EBF4: variants seen among roughly 807,000 people sequenced by gnomAD.
EBF4 encodes the protein EBF transcription factor 4, also known as transcription factor COE4.
A neutral mutation model predicts 67.1 loss-of-function variants in EBF4; 34 were observed. The ratio of observed to expected loss-of-function variants is 0.51; its 90% CI spans 0.39 to 0.67. The LOEUF (loss-of-function observed/expected upper bound fraction) is 0.67. Ranked by LOEUF, EBF4 falls within the 30% of genes least tolerant of loss-of-function variation. The probability of loss-of-function intolerance (pLI) is 0.00; values close to 1 mark genes in which losing one functional copy is unlikely to be tolerated. For synonymous variants in EBF4, 387 were observed against 377.7 expected (o/e 1.02, Z -0.29); for missense variants, 837 against 873.3 (o/e 0.96, Z 0.52).
At chr20:2,718,045 G>C (rs183254169) in intron 6 of EBF4, among the ~76,000 whole-genome samples, 104 of 152,160 alleles carry the variant, frequency 6.8e-4, no homozygotes, top group East Asian at 1.9e-3. Flanking sequence ...TCCTGACCTC[G>C]TGATCCACCC....
intron 5 of EBF4, among the ~76,000 whole-genome samples, chr20:2,708,938 C>A (rs772871466): frequency 2.6e-5 from 4 of 152,186 alleles, no homozygotes; most frequent in Non-Finnish European, 4.4e-5. Flanking sequence ...GTAATCCCAG[C>A]ACTTTAGGAA....
intron 1 of EBF4, among the ~76,000 whole-genome samples, chr20:2,703,319 C>G (rs1182097414): frequency 6.6e-6 from 1 of 151,372 alleles, no homozygotes; most frequent in Non-Finnish European, 1.5e-5. Flanking sequence ...ACCTGTAATC[C>G]CAGCTCTTTG....
At chr20:2,732,271 C>G (rs2087823536) in intron 6 of EBF4, among the ~76,000 whole-genome samples, 1 of 152,036 alleles carries the variant, frequency 6.6e-6, no homozygotes, top group African/African-American at 2.4e-5. Context: ...CAGGTGCATG[C>G]CACCACACCC....
chr20:2,749,467 CACA>C (rs1206124481), exon 8 of EBF4: 13 of 1,548,864 alleles, frequency 8.4e-6, no homozygotes, highest in Admixed American at 2.0e-5. Context: ...CATGTTTGTG[CACA>C]ACAACTCCAA....
chr20:2,703,874 C>A (rs904506743), intron 1 of EBF4, among the ~76,000 whole-genome samples: 1 of 152,196 alleles, frequency 6.6e-6, no homozygotes, highest in South Asian at 2.1e-4. Flanking sequence ...GCTGGGGCCG[C>A]AGTCGTCTGA....
intron 1 of EBF4, among the ~76,000 whole-genome samples, chr20:2,698,513 G>A (rs1331556112): frequency 6.6e-6 from 1 of 152,176 alleles, no homozygotes; most frequent in Admixed American, 6.5e-5. Flanking sequence ...CAGTCCCGGG[G>A]TCCAGAGGGT....
chr20:2,739,774 C>T lies in EBF4; in HGVS notation c.558-8775C>T, dbSNP rs539951666. ...ACAAATCTTTTAGGATAAAAATTAG[C>T]GGAGATCCCTGTCCCCTTATTTCCC... On this transcript the variant is annotated intron_variant, in intron 6 of 16. Coordinates refer to ENST00000609451, the Ensembl canonical transcript of EBF4. This position sits in a 1 kb window ranked among gnomAD's most constrained non-coding sequence, Gnocchi z 4.5. 5.9e-5 allele frequency among the ~76,000 whole-genome samples: 9 copies of T among 152,272 alleles called. No individual in the cohort carries two copies. The highest frequency in any genetic ancestry group is 5.8e-4 in the East Asian group (3 of 5,174).
At position 2,693,887 on chromosome 20, in the gene EBF4, T is replaced by G. The variant is rs148554048; in HGVS notation, c.137+105T>G. 2 of 1,233,794 alleles carry G rather than the reference T, an allele frequency of 1.6e-6. No individual in the cohort carries two copies. The highest frequency in any genetic ancestry group is 3.3e-5 in the South Asian group (1 of 29,918). The allele number at this position is 1,233,794 out of a possible 1,614,324, so 76.4% of individuals were successfully genotyped here. A position where few individuals can be genotyped will look rare whatever the true frequency, so the allele number is the denominator to read the frequency against. On this transcript the variant is annotated intron_variant, in intron 1 of 16. Transcript: ENST00000609451. This position sits in a 1 kb window ranked among gnomAD's most constrained non-coding sequence, Gnocchi z 4.6. ...AGCCAGGGGCGGAAGGAGCCCTAAC[T>G]CTGGACGGTCCCGGCGAGCTCCCCG...
At chr20:2,698,315 A>C (rs73578037) in intron 1 of EBF4, among the ~76,000 whole-genome samples, 1 of 152,230 alleles carries the variant, frequency 6.6e-6, no homozygotes, top group African/African-American at 2.4e-5. Context: ...GGCTCTGGGC[A>C]GCTGCCTGCA....
chr20:2,749,743 T>G (rs1286980154), exon 9 of EBF4: 13 of 1,541,500 alleles, frequency 8.4e-6, no homozygotes, highest in Non-Finnish European at 8.8e-6. Context: ...AACGTGCTCG[T>G]GTGGAGCGAG....
At chr20:2,720,540 A>G (rs2087666701) in intron 6 of EBF4, among the ~76,000 whole-genome samples, 1 of 151,974 alleles carries the variant, frequency 6.6e-6, no homozygotes, top group Non-Finnish European at 1.5e-5. Context: ...TTTATTTAGA[A>G]CTTATTGTAT....
chr20:2,711,728 G>T (rs1044894446), intron 6 of EBF4, among the ~76,000 whole-genome samples: 6 of 152,092 alleles, frequency 3.9e-5, no homozygotes, highest in Non-Finnish European at 8.8e-5. Flanking sequence ...TGTGTTCACG[G>T]GCTTACAATC....
intron 1 of EBF4, among the ~76,000 whole-genome samples, chr20:2,701,898 A>G (rs975006571): frequency 6.6e-6 from 1 of 152,158 alleles, no homozygotes; most frequent in South Asian, 2.1e-4. Flanking sequence ...AGGAGGGAGG[A>G]GCTCAGGGTT....
intron 6 of EBF4, among the ~76,000 whole-genome samples, chr20:2,710,784 T>A (rs1213634745): frequency 6.6e-6 from 1 of 152,182 alleles, no homozygotes; most frequent in Non-Finnish European, 1.5e-5. Context: ...CCTGAGATAG[T>A]CTGTGCATAT....
At chr20:2,705,058 G>C (rs985451145) in intron 1 of EBF4, among the ~76,000 whole-genome samples, 1 of 152,246 alleles carries the variant, frequency 6.6e-6, no homozygotes, top group African/African-American at 2.4e-5. Flanking sequence ...CAGACTAGTG[G>C]TCCTGAGCCA....
chr20:2,714,348 T>G (rs965264633), intron 6 of EBF4, among the ~76,000 whole-genome samples: 1 of 151,806 alleles, frequency 6.6e-6, no homozygotes, highest in Non-Finnish European at 1.5e-5. Flanking sequence ...CTTTCTTTCT[T>G]TCTTTTCTTT....
intron 2 of EBF4, 67 bp downstream of exon 2, chr20:2,705,800 C>CACACACAA (rs2087447624): frequency 8.4e-7 from 1 of 1,187,084 alleles, no homozygotes; most frequent in Non-Finnish European, 1.1e-6. Context: ...CACACACACA[C>CACACACAA]ACACACACAC....
In EBF4 at chr20:2,693,683, T is replaced by G; in HGVS notation, c.38T>G (p.Leu13Arg). Reference sequence around the variant, plus strand: ...CAGGACGCTCTGCCCCGCAGCGGGCTGAACCTGAAGGAGGAGCCGCTGCTG... The same window carrying G: ...CAGGACGCTCTGCCCCGCAGCGGGCGGAACCTGAAGGAGGAGCCGCTGCTG... The change falls in exon 1 of 17, where the codon CTG becomes CGG. Residue 13 changes from leucine to arginine, a missense_variant. Leu to Arg is a moderately radical substitution (Grantham distance 102). Coordinates refer to ENST00000609451, the Ensembl canonical transcript of EBF4. The surrounding 1 kb of genome is among the most constrained non-coding windows in gnomAD (Gnocchi z 4.6). 1 of 1,440,820 alleles carries G rather than the reference T, an allele frequency of 6.9e-7. No individual in the cohort carries two copies. The highest frequency in any genetic ancestry group is 9.1e-7 in the Non-Finnish European group (1 of 1,103,018). 89.3% of individuals were successfully genotyped at this position (1,440,820 alleles called of 1,614,324 possible). A position where few individuals can be genotyped will look rare whatever the true frequency, so the allele number is the denominator to read the frequency against.
intron 1 of EBF4, among the ~76,000 whole-genome samples, chr20:2,698,736 T>C (rs1207760103): frequency 6.6e-6 from 1 of 152,130 alleles, no homozygotes; most frequent in Non-Finnish European, 1.5e-5. Flanking sequence ...CCTCCCCCCA[T>C]TACTGATGAA....
Sources: allele counts gnomAD v4.1 joint callset (sites outside exome capture counted in the v4.1 genomes callset), GRCh38; gene constraint gnomAD v4.1.1; non-coding constraint Gnocchi (gnomAD v3.1); transcripts MANE v1.5; gene names NCBI Gene and HGNC (gene_info 2026-07-23, HGNC 2026-07-21).